LRP1B: variants seen among roughly 807,000 people sequenced by gnomAD.
LRP1B encodes the protein low-density lipoprotein receptor-related protein 1B.
Under a neutral mutation model 556.6 loss-of-function variants are expected in LRP1B, and 217 were observed. The observed-to-expected ratio is 0.39, with a 90% CI of 0.35 to 0.44. LRP1B has a LOEUF of 0.44. Ranked by LOEUF, LRP1B falls within the 20% of genes least tolerant of loss-of-function variation. The pLI is 1.00. For synonymous variants in LRP1B, 2,047 were observed against 1,865.8 expected, an observed-to-expected ratio of 1.10 and a Z score of -2.50; for missense variants, 5,053 against 5,620.8, an observed-to-expected ratio of 0.90 and a Z score of 3.23.
chr2:141,435,588 C>T (rs1362869961), intron 3 of LRP1B, among the ~76,000 whole-genome samples: 1 of 152,198 alleles, frequency 6.6e-6, no homozygotes, highest in Non-Finnish European at 1.5e-5. Flanking sequence ...AACCACCACA[C>T]CCTGCACTGG....
At chr2:140,368,470 A>G (rs1030589480) in intron 71 of LRP1B, among the ~76,000 whole-genome samples, 10 of 151,900 alleles carry the variant, frequency 6.6e-5, no homozygotes, top group Non-Finnish European at 1.0e-4. Context: ...GAACCCCCCA[A>G]TCTTTTCCAC....
At chr2:141,788,916 A>C (rs919165518) in intron 2 of LRP1B, among the ~76,000 whole-genome samples, 53 of 152,058 alleles carry the variant, frequency 3.5e-4, no homozygotes, top group African/African-American at 1.2e-3. Context: ...TATGTGCCAC[A>C]TTTTCTTAAT....
intron 2 of LRP1B, among the ~76,000 whole-genome samples, chr2:141,661,119 G>A (rs1025972713): frequency 6.6e-6 from 1 of 152,072 alleles, no homozygotes; most frequent in Non-Finnish European, 1.5e-5. Context: ...CAAACAAACA[G>A]AAAGCAACAA....
chr2:140,740,570 G>T (rs1249411667), intron 35 of LRP1B, among the ~76,000 whole-genome samples: 1 of 152,106 alleles, frequency 6.6e-6, no homozygotes, highest in African/African-American at 2.4e-5. Flanking sequence ...ATACTGCTCA[G>T]GTGATGGGTG....
At chr2:140,724,526 A>T (rs1271787211) in intron 35 of LRP1B, among the ~76,000 whole-genome samples, 2 of 152,148 alleles carry the variant, frequency 1.3e-5, no homozygotes, top group African/African-American at 4.8e-5. Context: ...TCCCAAAATT[A>T]TGTGTTAAAT....
At chr2:140,620,773 A>G (rs955799495) in intron 41 of LRP1B, among the ~76,000 whole-genome samples, 2 of 152,116 alleles carry the variant, frequency 1.3e-5, no homozygotes, top group Non-Finnish European at 2.9e-5. Context: ...AGAAACATGA[A>G]ATGGAAACAA....
intron 83 of LRP1B, among the ~76,000 whole-genome samples, chr2:140,303,752 G>T (rs1394150247): frequency 1.3e-5 from 2 of 152,110 alleles, no homozygotes; most frequent in Admixed American, 6.6e-5. Flanking sequence ...TTGGTGTGCT[G>T]CACCCATTAA....
At chr2:141,621,088 T>A (rs183848403) in intron 2 of LRP1B, among the ~76,000 whole-genome samples, 20 of 152,288 alleles carry the variant, frequency 1.3e-4, no homozygotes, top group Admixed American at 9.8e-4. Flanking sequence ...GTTAAGATTG[T>A]CTCTATAGTC....
chr2:142,031,726 G>T (rs1559033282), intron 1 of LRP1B, among the ~76,000 whole-genome samples: 1 of 151,450 alleles, frequency 6.6e-6, no homozygotes, highest in Non-Finnish European at 1.5e-5. Flanking sequence ...TTCAACATCT[G>T]ATTCAGTTTG....
chr2:141,981,793 T>C (rs1006791273), intron 1 of LRP1B, among the ~76,000 whole-genome samples: 2 of 152,122 alleles, frequency 1.3e-5, no homozygotes, highest in African/African-American at 4.8e-5. Context: ...ATACAGAGGA[T>C]ATAAGCAAAA....
chr2:141,760,850 A>G (rs1353506231), intron 2 of LRP1B, among the ~76,000 whole-genome samples: 2 of 152,214 alleles, frequency 1.3e-5, no homozygotes, highest in Non-Finnish European at 2.9e-5. Context: ...TGGCCTTTAC[A>G]CACCATTTAT....
intron 41 of LRP1B, among the ~76,000 whole-genome samples, chr2:140,682,034 T>TC (rs1331899065): frequency 6.6e-6 from 1 of 152,214 alleles, no homozygotes; most frequent in East Asian, 1.9e-4. Flanking sequence ...CATCAGATGA[T>TC]TTTTATGTAA....
At chr2:140,327,752 T>C (rs114974658) in intron 79 of LRP1B, among the ~76,000 whole-genome samples, 3,501 of 152,112 alleles carry the variant, frequency 0.023, 51 homozygotes, top group Non-Finnish European at 0.023. Flanking sequence ...TCAACAATAT[T>C]GTTTTTCAGA....
intron 67 of LRP1B, among the ~76,000 whole-genome samples, chr2:140,382,660 C>T (rs908596250): frequency 3.3e-5 from 5 of 152,134 alleles, no homozygotes; most frequent in Middle Eastern, 3.2e-3. Context: ...AAATTTAAAA[C>T]GTAGTTGGCA....
intron 2 of LRP1B, among the ~76,000 whole-genome samples, chr2:141,545,258 T>C (rs1685510205): frequency 6.6e-6 from 1 of 152,218 alleles, no homozygotes; most frequent in Non-Finnish European, 1.5e-5. Context: ...CATGGTCAAA[T>C]GAATCTTCTC....
In LRP1B at chr2:141,540,373, C is replaced by T. The variant is rs534993716; in HGVS notation, c.206-59840G>A. On this transcript the variant is annotated intron_variant, in intron 2 of 90. Coordinates refer to ENST00000389484, the MANE Select transcript of LRP1B (RefSeq NM_018557.3). The stretch of plus-strand genomic sequence containing the variant: ...AATATTGGTGACTTTCAAATATTGT[C>T]ATCATTAATAGATGCATTTATAAGT... Among the ~76,000 whole-genome samples the T allele has an allele frequency of 1.1e-4, 16 of 151,666 alleles. 1 individual carries two copies. In the South Asian group the frequency reaches 3.3e-3, roughly 31 times the overall value.
At chr2:140,373,343 T>C (rs562075759) in intron 68 of LRP1B, among the ~76,000 whole-genome samples, 2 of 152,240 alleles carry the variant, frequency 1.3e-5, no homozygotes, top group Admixed American at 6.5e-5. Context: ...AGACAACTTA[T>C]GCATAGAAAC....
At chr2:140,617,908 A>G (rs1486625834) in intron 41 of LRP1B, among the ~76,000 whole-genome samples, 1 of 152,020 alleles carries the variant, frequency 6.6e-6, no homozygotes, top group East Asian at 1.9e-4. Flanking sequence ...TGAATGGAGT[A>G]GAATAAAATT....
chr2:141,660,710 G>C (rs1394571034), intron 2 of LRP1B, among the ~76,000 whole-genome samples: 1 of 152,156 alleles, frequency 6.6e-6, no homozygotes, highest in Non-Finnish European at 1.5e-5. Context: ...ATGGGCTGCC[G>C]TGGTCTCCAC....
Sources: gnomAD v4.1 joint callset for allele counts (sites outside exome capture counted in the v4.1 genomes callset) on GRCh38, gnomAD v4.1.1 for gene constraint, MANE v1.5 for transcripts, NCBI Gene and HGNC (gene_info 2026-07-23, HGNC 2026-07-21) for gene names.